Variants in PRKG1 observed in about 807,000 individuals in gnomAD.
PRKG1 encodes protein kinase cGMP-dependent 1, also known as cGMP-dependent protein kinase 1.
A neutral mutation model predicts 88.1 loss-of-function variants in PRKG1; 35 were observed. That is an observed-to-expected ratio of 0.40 (90% CI 0.30 to 0.53). PRKG1 has a LOEUF of 0.53. PRKG1 is among the 20% of genes least tolerant of loss of function. The pLI, the probability that PRKG1 is intolerant of heterozygous loss-of-function variation, is 0.59. For synonymous variants in PRKG1, 303 were observed against 292.5 expected (o/e 1.04, Z -0.37); for missense variants, 540 against 839.8 (o/e 0.64, Z 4.41).
chr10:51,508,732 T>C (rs1320509438), intron 3 of PRKG1, among the ~76,000 whole-genome samples: 2 of 152,176 alleles, frequency 1.3e-5, no homozygotes, highest in African/African-American at 4.8e-5. Flanking sequence ...TTCTGTTCTG[T>C]TAATTCAATG....
chr10:51,475,647 A>G (rs1840168816), intron 3 of PRKG1, among the ~76,000 whole-genome samples: 1 of 152,026 alleles, frequency 6.6e-6, no homozygotes. Flanking sequence ...TTAAGGAGTA[A>G]AACACAGCCT....
At chr10:51,628,699 C>A (rs937572789) in intron 3 of PRKG1, among the ~76,000 whole-genome samples, 1 of 151,972 alleles carries the variant, frequency 6.6e-6, no homozygotes, top group Non-Finnish European at 1.5e-5. Flanking sequence ...GTGGCTCACG[C>A]CTGTAATCCC....
chr10:52,283,574 A>G (rs549084859), intron 14 of PRKG1, among the ~76,000 whole-genome samples: 68 of 152,264 alleles, frequency 4.5e-4, no homozygotes, highest in South Asian at 2.9e-3. Context: ...GGTATTTTAC[A>G]TTATTACCCA....
intron 2 of PRKG1, among the ~76,000 whole-genome samples, chr10:51,328,061 C>A (rs1046710096): frequency 4.6e-5 from 7 of 152,166 alleles, no homozygotes; most frequent in African/African-American, 1.7e-4. Flanking sequence ...CAATAGATTT[C>A]TTGACCTTAT....
At chr10:51,733,173 C>T (rs1837166050) in intron 3 of PRKG1, among the ~76,000 whole-genome samples, 1 of 152,172 alleles carries the variant, frequency 6.6e-6, no homozygotes, top group African/African-American at 2.4e-5. Flanking sequence ...CTCAAAGGCC[C>T]CATCTCCAAA....
intron 9 of PRKG1, among the ~76,000 whole-genome samples, chr10:52,228,481 G>C (rs1042201834): frequency 5.9e-5 from 9 of 152,054 alleles, no homozygotes; most frequent in Non-Finnish European, 1.0e-4. Flanking sequence ...TGGGTAAACT[G>C]ATGAAATTTA....
intron 3 of PRKG1, chr10:51,697,625 G>A (rs924701077): frequency 4.2e-5 from 61 of 1,443,114 alleles, no homozygotes; most frequent in Non-Finnish European, 5.2e-5. Context: ...GGATACAGAA[G>A]TCAGCTTTTT....
At chr10:51,585,671 A>G (rs911052258) in intron 3 of PRKG1, among the ~76,000 whole-genome samples, 1 of 152,186 alleles carries the variant, frequency 6.6e-6, no homozygotes, top group Non-Finnish European at 1.5e-5. Flanking sequence ...ATGAACTTGT[A>G]CGTTCATCAC....
intron 3 of PRKG1, among the ~76,000 whole-genome samples, chr10:51,620,759 G>A (rs978929453): frequency 1.3e-5 from 2 of 151,800 alleles, no homozygotes; most frequent in African/African-American, 4.8e-5. Flanking sequence ...TCATTATCCT[G>A]ATTTTACCTA....
At chr10:51,639,436 CAAAAAAAAAAAAAAAAAAAAAAA>C (rs769304908) in intron 3 of PRKG1, among the ~76,000 whole-genome samples, 71 of 31,794 alleles carry the variant, frequency 2.2e-3, no homozygotes, top group African/African-American at 0.011. Context: ...GACTCCATCT[CAAAAAAAAAAAAAAAAAAAAAAA>C]AAAAAAAAAA....
intron 1 of PRKG1, among the ~76,000 whole-genome samples, chr10:51,087,500 A>G (rs1206026195): frequency 6.6e-6 from 1 of 152,196 alleles, no homozygotes; most frequent in Non-Finnish European, 1.5e-5. Flanking sequence ...AAGTGCTGCA[A>G]TGCAGGGTTA....
chr10:51,379,278 C>A (rs557769832), intron 2 of PRKG1, among the ~76,000 whole-genome samples: 1 of 152,210 alleles, frequency 6.6e-6, no homozygotes, highest in African/African-American at 2.4e-5. Flanking sequence ...TAACATTTAT[C>A]ACATGTATTC....
chr10:51,963,833 T>C (rs1475353861), intron 5 of PRKG1, among the ~76,000 whole-genome samples: 1 of 152,202 alleles, frequency 6.6e-6, no homozygotes, highest in Non-Finnish European at 1.5e-5. Flanking sequence ...AGATAAACTT[T>C]GCAAACATTC....
chr10:52,013,732 C>T (rs1844961184), intron 5 of PRKG1, among the ~76,000 whole-genome samples: 1 of 152,078 alleles, frequency 6.6e-6, no homozygotes, highest in Non-Finnish European at 1.5e-5. Flanking sequence ...AGTGGGGACC[C>T]CTTGATGAAT....
intron 7 of PRKG1, chr10:52,062,901 A>G (rs1419442309): frequency 5.9e-6 from 4 of 676,608 alleles, no homozygotes; most frequent in South Asian, 1.7e-5. Flanking sequence ...TGCAATCTCT[A>G]TAACAACTTC....
At position 52,269,149 on chromosome 10, in the gene PRKG1, G is replaced by A. The variant is rs1841652604; in HGVS notation, c.1174-2201G>A. ...GGCATTTTTGAACAACTGCACAACA[G>A]TCCTCACTAGTTTAACTGGGAATGA... On this transcript the variant is annotated intron_variant, in intron 10 of 17. Coordinates refer to ENST00000373980, the MANE Select transcript of PRKG1 (RefSeq NM_006258.4). Among the ~76,000 whole-genome samples the A allele has an allele frequency of 2.0e-5, 3 of 152,004 alleles. No homozygotes were observed. In the South Asian group the frequency reaches 6.2e-4, roughly 31 times the overall value.
intron 4 of PRKG1, among the ~76,000 whole-genome samples, chr10:51,866,764 G>A (rs1243018328): frequency 1.3e-5 from 2 of 152,126 alleles, no homozygotes; most frequent in South Asian, 2.1e-4. Context: ...GTCAGTTCAG[G>A]CAAGAAGTGT....
intron 3 of PRKG1, among the ~76,000 whole-genome samples, chr10:51,530,584 T>G (rs1841993541): frequency 6.6e-6 from 1 of 152,216 alleles, no homozygotes; most frequent in Non-Finnish European, 1.5e-5. Context: ...TCAACTGAGG[T>G]GACCGTCATC....
At chr10:52,045,203 G>T (rs1845833971) in intron 5 of PRKG1, among the ~76,000 whole-genome samples, 1 of 152,038 alleles carries the variant, frequency 6.6e-6, no homozygotes, top group African/African-American at 2.4e-5. Flanking sequence ...ATACATAGCT[G>T]GTCAGGATGA....
Sources: allele counts gnomAD v4.1 joint callset (sites outside exome capture counted in the v4.1 genomes callset), GRCh38; gene constraint gnomAD v4.1.1; transcripts MANE v1.5; gene names NCBI Gene and HGNC (gene_info 2026-07-23, HGNC 2026-07-21).